The following RBFOX1 variants were observed in gnomAD, a reference collection of about 807,000 sequenced individuals.
RBFOX1 encodes the protein RNA binding fox-1 homolog 1.
A neutral mutation model predicts 57.7 loss-of-function variants in RBFOX1; 8 were observed. The observed-to-expected ratio is 0.14, with a 90% CI of 0.08 to 0.25. The LOEUF is 0.25. RBFOX1 is among the 10% of genes least tolerant of loss of function. The pLI is 1.00. For synonymous variants in RBFOX1, 326 were observed against 222.4 expected (o/e 1.47, Z -4.15); for missense variants, 611 against 548.5 (o/e 1.11, Z -1.14).
rs1277725455 is a variant in RBFOX1 at position 6,299,338 on chromosome 16, G to A, written c.-126-17657G>A. ...ATCATTGTTAAATGGCTAAAGTTGA[G>A]CAGGCAGATCTAATTCTTTTAAATT... On this transcript the variant is annotated intron_variant, in intron 1 of 15. Transcript: ENST00000550418. 3.3e-5 allele frequency among the ~76,000 whole-genome samples: 5 copies of A among 152,184 alleles called. No individual in the cohort carries two copies. The East Asian group carries it at 9.6e-4, about 29-fold the overall frequency.
intron 4 of RBFOX1, among the ~76,000 whole-genome samples, chr16:7,505,965 C>T (rs1225303559): frequency 6.6e-6 from 1 of 151,972 alleles, no homozygotes; most frequent in Admixed American, 6.6e-5. Flanking sequence ...GTGAGTGGAT[C>T]ACAAGGTCAG....
At chr16:5,782,581 T>C (rs2054359369) in intron 3 of RBFOX1, among the ~76,000 whole-genome samples, 1 of 152,062 alleles carries the variant, frequency 6.6e-6, no homozygotes, top group Admixed American at 6.6e-5. Context: ...GATGGGGGAT[T>C]TTATATTGAT....
chr16:5,875,234 T>C (rs771070078), intron 4 of RBFOX1, among the ~76,000 whole-genome samples: 1 of 152,132 alleles, frequency 6.6e-6, no homozygotes. Flanking sequence ...AATGCCTCCA[T>C]GTTACAGACA....
chr16:6,821,568 C>T (rs1386129569), intron 3 of RBFOX1, among the ~76,000 whole-genome samples: 1 of 152,146 alleles, frequency 6.6e-6, no homozygotes, highest in Non-Finnish European at 1.5e-5. Context: ...CTCCCCCCAA[C>T]CGCTGGTAAC....
chr16:6,605,250 A>G (rs534653444), intron 2 of RBFOX1, among the ~76,000 whole-genome samples: 1 of 142,764 alleles, frequency 7.0e-6, no homozygotes, highest in East Asian at 2.0e-4. Flanking sequence ...ATAATAATTT[A>G]TAATGAAACC....
intron 3 of RBFOX1, among the ~76,000 whole-genome samples, chr16:7,032,145 C>T (rs760380109): frequency 3.3e-5 from 5 of 151,994 alleles, no homozygotes; most frequent in African/African-American, 7.2e-5. Context: ...CTTATCTTGG[C>T]GGGGTGCGGT....
At chr16:6,619,870 C>T (rs893465340) in intron 2 of RBFOX1, among the ~76,000 whole-genome samples, 1 of 152,194 alleles carries the variant, frequency 6.6e-6, no homozygotes, top group Non-Finnish European at 1.5e-5. Flanking sequence ...ACCCTCCACC[C>T]TACAATAGGC....
chr16:5,291,613 G>A (rs1373656274), intron 1 of RBFOX1, among the ~76,000 whole-genome samples: 6 of 152,228 alleles, frequency 3.9e-5, no homozygotes, highest in Admixed American at 3.9e-4. Context: ...TTGAAAGTGA[G>A]TGATCTGTTT....
intron 1 of RBFOX1, among the ~76,000 whole-genome samples, chr16:6,161,366 G>A (rs1488462589): frequency 6.6e-6 from 1 of 151,140 alleles, no homozygotes; most frequent in African/African-American, 2.4e-5. Context: ...TCCAGCCTGG[G>A]CGATAGAGTG....
intron 3 of RBFOX1, among the ~76,000 whole-genome samples, chr16:5,748,826 T>C (rs575995405): frequency 1.8e-3 from 275 of 152,322 alleles, no homozygotes; most frequent in African/African-American, 6.2e-3. Flanking sequence ...CTTTATCCAA[T>C]TTGCCAGTCT....
intron 10 of RBFOX1, among the ~76,000 whole-genome samples, chr16:7,610,885 T>A (rs1402215898): frequency 6.6e-6 from 1 of 152,224 alleles, no homozygotes; most frequent in Non-Finnish European, 1.5e-5. Flanking sequence ...ACTAAGAATT[T>A]ATGGGGCATT....
intron 2 of RBFOX1, among the ~76,000 whole-genome samples, chr16:5,552,690 G>A (rs1047965393): frequency 6.6e-6 from 1 of 152,172 alleles, no homozygotes; most frequent in South Asian, 2.1e-4. Flanking sequence ...TATTCTGCCA[G>A]CCTTCCCTCT....
intron 1 of RBFOX1, among the ~76,000 whole-genome samples, chr16:5,243,110 A>G (rs1202100088): frequency 6.6e-6 from 1 of 152,110 alleles, no homozygotes; most frequent in Non-Finnish European, 1.5e-5. Context: ...GCCCTCCCCA[A>G]GCCTTTATTG....
chr16:7,233,901 C>T (rs949246012), intron 4 of RBFOX1, among the ~76,000 whole-genome samples: 3 of 152,206 alleles, frequency 2.0e-5, no homozygotes, highest in African/African-American at 7.2e-5. Flanking sequence ...TCAACGAGAG[C>T]TACTCTGACT....
intron 3 of RBFOX1, among the ~76,000 whole-genome samples, chr16:6,907,539 C>G (rs945007828): frequency 6.6e-6 from 1 of 151,622 alleles, no homozygotes; most frequent in Non-Finnish European, 1.5e-5. Context: ...CGGTCCTATG[C>G]CTCTCTCTTA....
intron 2 of RBFOX1, among the ~76,000 whole-genome samples, chr16:5,553,440 C>A (rs558945242): frequency 1.3e-5 from 2 of 151,888 alleles, no homozygotes; most frequent in African/African-American, 4.8e-5. Flanking sequence ...CTCAGCCTCC[C>A]GAGTAGCTGG....
intron 3 of RBFOX1, among the ~76,000 whole-genome samples, chr16:5,707,614 C>T (rs1219581509): frequency 6.6e-6 from 1 of 152,344 alleles, no homozygotes; most frequent in African/African-American, 2.4e-5. Flanking sequence ...GCACAGTTTC[C>T]AGGGAAGATA....
At chr16:6,408,128 G>T (rs1362041180) in intron 2 of RBFOX1, among the ~76,000 whole-genome samples, 1 of 152,074 alleles carries the variant, frequency 6.6e-6, no homozygotes, top group Non-Finnish European at 1.5e-5. Context: ...CCTTGATCTT[G>T]GACTTCCCTG....
chr16:5,623,828 G>A (rs902535260), intron 3 of RBFOX1, among the ~76,000 whole-genome samples: 10 of 152,038 alleles, frequency 6.6e-5, no homozygotes, highest in African/African-American at 2.4e-4. Context: ...GTTTATAAAG[G>A]CTTTTGGAAA....
Sources: allele counts gnomAD v4.1 joint callset (sites outside exome capture counted in the v4.1 genomes callset), GRCh38; gene constraint gnomAD v4.1.1; transcripts MANE v1.5; gene names NCBI Gene and HGNC (gene_info 2026-07-23, HGNC 2026-07-21).